Variants in ST3GAL6 observed in about 807,000 individuals in gnomAD.
The protein encoded by ST3GAL6 is ST3 beta-galactoside alpha-2,3-sialyltransferase 6.
A neutral mutation model predicts 40.5 loss-of-function variants in ST3GAL6; 31 were observed. That is an observed-to-expected ratio of 0.77 (90% CI 0.58 to 1.03). The LOEUF (loss-of-function observed/expected upper bound fraction) is 1.03. Ranked by LOEUF, ST3GAL6 falls within the 50% of genes least tolerant of loss-of-function variation. The probability of loss-of-function intolerance (pLI) is 0.00; values close to 1 mark genes in which losing one functional copy is unlikely to be tolerated. For synonymous variants in ST3GAL6, 129 were observed against 136.9 expected, an observed-to-expected ratio of 0.94 and a Z score of 0.40; for missense variants, 357 against 393.2, an observed-to-expected ratio of 0.91 and a Z score of 0.78.
intron 1 of ST3GAL6, among the ~76,000 whole-genome samples, chr3:98,735,678 C>G (rs1935482372): frequency 6.6e-6 from 1 of 152,208 alleles, no homozygotes; most frequent in Admixed American, 6.5e-5. Context: ...TCTCTCCTGT[C>G]TGTCCCAACT....
chr3:98,733,663 C>A, intron 1 of ST3GAL6: 1 of 918,092 alleles, frequency 1.1e-6, no homozygotes, highest in Non-Finnish European at 1.3e-6. Flanking sequence ...CATTTTGAGG[C>A]CGCCGGCTCC....
chr3:98,753,570 A>G (rs1576052503), intron 1 of ST3GAL6, among the ~76,000 whole-genome samples: 1 of 152,354 alleles, frequency 6.6e-6, no homozygotes, highest in East Asian at 1.9e-4. Context: ...AAAGCTTCAA[A>G]GGGCTGGCTC....
Position 98,788,396 on chromosome 3 carries a change from A to C in ST3GAL6, c.689A>C (p.Asp230Ala). 6.2e-7 allele frequency: 1 copy of C among 1,613,148 alleles called. No individual in the cohort carries two copies. The highest frequency in any genetic ancestry group is 8.5e-7 in the Non-Finnish European group (1 of 1,179,732). ...AAACCTTATCAAATCCGAATATTAG[A>C]TCCTTTCATTATCAGAACAGCAGCT... is the stretch of plus-strand genomic sequence containing the variant. ...IYKPYQIRIL[D>A]PFIIRTAAYE... The change falls in exon 8 of 10, where the codon GAT (aspartate) becomes GCT (alanine). Residue 230 changes from aspartate to alanine, a missense_variant. Transcript: ENST00000483910.
chr3:98,749,656 A>G (rs112558218), intron 1 of ST3GAL6, among the ~76,000 whole-genome samples: 2,847 of 152,344 alleles, frequency 0.019, 99 homozygotes, highest in African/African-American at 0.065. Context: ...ACTTTTAAGC[A>G]AACTAAAACA....
At chr3:98,766,405 C>CTTTTTTTTTTTTTTTTT (rs369996406) in intron 1 of ST3GAL6, among the ~76,000 whole-genome samples, 1 of 104,112 alleles carries the variant, frequency 9.6e-6, no homozygotes. Flanking sequence ...AAATGTCATT[C>CTTTTTTTTTTTTTTTTT]TTTTTTTTTT....
At chr3:98,744,039 A>G (rs1281510600) in intron 1 of ST3GAL6, among the ~76,000 whole-genome samples, 2 of 152,168 alleles carry the variant, frequency 1.3e-5, no homozygotes, top group Non-Finnish European at 2.9e-5. Context: ...CCCTAATGCA[A>G]TATGATTAGT....
rs1171300897 is a variant in ST3GAL6, at chr3:98,788,030, C to G, written c.432-6C>G. 1 of 1,610,036 alleles carries G rather than the reference C, an allele frequency of 6.2e-7. No individual in the cohort carries two copies. The highest frequency in any genetic ancestry group is 1.7e-5 in the Admixed American group (1 of 59,734). On this transcript the variant is annotated splice_region_variant and splice_polypyrimidine_tract_variant and intron_variant, in intron 6 of 9. Transcript: ENST00000483910. ...CTACATATCTTGTATGTTTTACTAT[C>G]CACAGAATGAATAATGGTCCTGTTT...
intron 8 of ST3GAL6, among the ~76,000 whole-genome samples, chr3:98,790,986 C>T (rs1385749561): frequency 9.9e-5 from 15 of 151,950 alleles, no homozygotes; most frequent in Admixed American, 9.2e-4. Context: ...TGTGCTTCTT[C>T]GATTTTTTTT....
At position 98,771,133 on chromosome 3, in the gene ST3GAL6, A is replaced by G. The variant is rs577979204; in HGVS notation, c.167+177A>G. Reference sequence around the variant, plus strand: ...TTTGTGCTTTTAGTCAGAGCTCTGCATATATTTTAAGAAAAGGCATTGAGG... The same window carrying G: ...TTTGTGCTTTTAGTCAGAGCTCTGCGTATATTTTAAGAAAAGGCATTGAGG... On this transcript the variant is annotated intron_variant, in intron 3 of 9. Transcript: ENST00000483910. 8.0e-6 allele frequency: 12 copies of G among 1,508,776 alleles called. No individual in the cohort carries two copies. In the African/African-American group the frequency reaches 9.7e-5, roughly 12 times the overall value. The allele number at this position is 1,508,776 out of a possible 1,614,324, so 93.5% of individuals were successfully genotyped here.
chr3:98,743,401 T>C (rs1936284046), intron 1 of ST3GAL6, among the ~76,000 whole-genome samples: 1 of 152,046 alleles, frequency 6.6e-6, no homozygotes, highest in Non-Finnish European at 1.5e-5. Context: ...GCTTCTCAGG[T>C]GAACAGACAA....
At chr3:98,776,127 T>A (rs1939527881) in intron 5 of ST3GAL6, among the ~76,000 whole-genome samples, 1 of 152,240 alleles carries the variant, frequency 6.6e-6, no homozygotes, top group Non-Finnish European at 1.5e-5. Flanking sequence ...TCTATTTGCA[T>A]AGCACTTTTC....
At chr3:98,753,631 T>A (rs1937192293) in intron 1 of ST3GAL6, among the ~76,000 whole-genome samples, 1 of 152,224 alleles carries the variant, frequency 6.6e-6, no homozygotes, top group South Asian at 2.1e-4. Context: ...TTGAAGCCAG[T>A]ACTCATTTAC....
At chr3:98,756,726 AC>A (rs1277781797) in intron 1 of ST3GAL6, among the ~76,000 whole-genome samples, 2 of 152,224 alleles carry the variant, frequency 1.3e-5, no homozygotes, top group East Asian at 3.9e-4. Flanking sequence ...TGCTAATGTA[AC>A]CCATGACCCT....
chr3:98,746,033 ATGGATAGATGGATGAGATAGGTTGGT>A (rs1936515995), intron 1 of ST3GAL6, among the ~76,000 whole-genome samples: 1 of 152,078 alleles, frequency 6.6e-6, no homozygotes, highest in Non-Finnish European at 1.5e-5. Flanking sequence ...GGATGGTTGG[ATGGATAGATGGATGAGATAGGTTGGT>A]TGGATAGATG....
intron 8 of ST3GAL6, among the ~76,000 whole-genome samples, chr3:98,790,560 A>G (rs1281944569): frequency 1.3e-5 from 2 of 152,200 alleles, no homozygotes; most frequent in Non-Finnish European, 2.9e-5. Context: ...AGTCAAACGT[A>G]ACTGGATTGC....
At chr3:98,757,845 T>C (rs1937525384) in intron 1 of ST3GAL6, among the ~76,000 whole-genome samples, 1 of 152,082 alleles carries the variant, frequency 6.6e-6, no homozygotes, top group Non-Finnish European at 1.5e-5. Flanking sequence ...TTTTTTCTTT[T>C]TTTTTTTTGA....
chr3:98,735,782 G>C (rs2107247098), intron 1 of ST3GAL6, among the ~76,000 whole-genome samples: 1 of 151,834 alleles, frequency 6.6e-6, no homozygotes, highest in Middle Eastern at 3.4e-3. Context: ...TTGATGCATG[G>C]AATAGAATGT....
In ST3GAL6 at chr3:98,768,531, T is replaced by A. The variant is rs1938620814; in HGVS notation, c.89+2T>A. 2 of 1,599,958 alleles carry A rather than the reference T, an allele frequency of 1.3e-6. No homozygotes were observed. Among genetic ancestry groups the A allele is most frequent in the East Asian group, 4.5e-5 (2 of 44,782 alleles). ...ATTATGGGGAACGAATGTCTATTGG[T>A]AAGTTTCATTTTGTTATTTAAAAAT... On this transcript the variant is annotated splice_donor_variant, in intron 2 of 9. Transcript: ENST00000483910. LOFTEE classifies it high-confidence loss of function.
chr3:98,768,319 T>A (rs1938601981), intron 1 of ST3GAL6, 111 bp from the exon 2 acceptor site: 1 of 793,820 alleles, frequency 1.3e-6, no homozygotes, highest in Non-Finnish European at 2.2e-6. Flanking sequence ...CATTTTTTTC[T>A]ATAGTTCCTT....
Sources: allele counts gnomAD v4.1 joint callset (sites outside exome capture counted in the v4.1 genomes callset), GRCh38; gene constraint gnomAD v4.1.1; transcripts MANE v1.5; gene names NCBI Gene and HGNC (gene_info 2026-07-23, HGNC 2026-07-21).